The following PTBP3 variants were observed in gnomAD, a reference collection of about 807,000 sequenced individuals.
The protein encoded by PTBP3 is polypyrimidine tract binding protein 3.
PTBP3 carries 20 observed loss-of-function variants against 58.7 expected under a neutral mutation model. The observed-to-expected ratio is 0.34, with a 90% CI of 0.24 to 0.50. The LOEUF is 0.50. Among genes scored for constraint, PTBP3 ranks in the 20% least tolerant of loss-of-function variants. The pLI, the probability that PTBP3 is intolerant of heterozygous loss-of-function variation, is 0.98. For synonymous variants in PTBP3, 185 were observed against 219.8 expected, an observed-to-expected ratio of 0.84 and a Z score of 1.40; for missense variants, 509 against 637.2, an observed-to-expected ratio of 0.80 and a Z score of 2.17.
rs185263059 is a variant in PTBP3 at position 112,262,405 on chromosome 9, A to T, written c.516+30T>A. ...AGTTTCAGAGGCCATATTTAACTTA[A>T]CTTTCTTAAGGGTATTTATTCCTCC... is the stretch of plus-strand genomic sequence containing the variant. On this transcript the variant is annotated intron_variant, in intron 5 of 13. Coordinates refer to ENST00000374257, the MANE Select transcript of PTBP3 (RefSeq NM_001163788.4). 4.0e-6 allele frequency: 6 copies of T among 1,513,864 alleles called. No individual in the cohort carries two copies. In the East Asian group the frequency reaches 1.3e-4, roughly 32 times the overall value. 93.8% of individuals were successfully genotyped at this position (1,513,864 alleles called of 1,614,324 possible).
intron 7 of PTBP3, among the ~76,000 whole-genome samples, chr9:112,236,629 A>G (rs1177845754): frequency 1.3e-5 from 2 of 152,176 alleles, no homozygotes; most frequent in Non-Finnish European, 2.9e-5. Flanking sequence ...CCCCTTCTAT[A>G]TAACTGGCCA....
At chr9:112,379,074 A>T in the PTBP3 span, among the ~76,000 whole-genome samples, 2 of 152,216 alleles carry the variant, frequency 1.3e-5, no homozygotes, top group Non-Finnish European at 2.9e-5. Context: ...CTGTAGTCCC[A>T]GCTACTCCGG....
intron 1 of PTBP3, among the ~76,000 whole-genome samples, chr9:112,318,261 A>G (rs1564459736): frequency 6.6e-6 from 1 of 152,234 alleles, no homozygotes; most frequent in Non-Finnish European, 1.5e-5. Flanking sequence ...GATCATGTAC[A>G]TTAAAAATCC....
At chr9:112,229,556 C>T (rs1215117492) in intron 10 of PTBP3, among the ~76,000 whole-genome samples, 1 of 111,666 alleles carries the variant, frequency 9.0e-6, no homozygotes, top group African/African-American at 3.9e-5. Flanking sequence ...CAGAATAAGA[C>T]CCTGTCTCAA....
At chr9:112,306,055 G>T (rs1829188081) in intron 1 of PTBP3, among the ~76,000 whole-genome samples, 1 of 152,198 alleles carries the variant, frequency 6.6e-6, no homozygotes, top group African/African-American at 2.4e-5. Flanking sequence ...CTTGCAATTG[G>T]TGTCAGATGT....
Position 112,277,703 on chromosome 9 carries a change from C to A in PTBP3, c.35-1690G>T, listed in dbSNP as rs575159732. Among the ~76,000 whole-genome samples, 630 of 151,710 alleles carry A rather than the reference C, an allele frequency of 4.2e-3. 4 individuals carry two copies. Among genetic ancestry groups the A allele is most frequent in the African/African-American group, 0.014 (569 of 41,356 alleles). ...AAAACCCCATCTCTACCAAAAAAAA[C>A]CAAACAAACAAACAAACAAAAAAAT... On this transcript the variant is annotated intron_variant, in intron 2 of 13. Transcript: ENST00000374257.
chr9:112,256,294 C>CATATATATATATAT (rs370450580), intron 5 of PTBP3, among the ~76,000 whole-genome samples: 1 of 59,018 alleles, frequency 1.7e-5, no homozygotes, highest in Non-Finnish European at 2.9e-5. Context: ...TATATATATA[C>CATATATATATATAT]ATATATATAT....
At chr9:112,343,219 T>TG in the PTBP3 span, among the ~76,000 whole-genome samples, 1 of 151,112 alleles carries the variant, frequency 6.6e-6, no homozygotes, top group African/African-American at 2.4e-5. Context: ...ACAATTTTTT[T>TG]TTTTTTGAGA....
At chr9:112,377,076 CCCTGG>C in the PTBP3 span, among the ~76,000 whole-genome samples, 1 of 152,216 alleles carries the variant, frequency 6.6e-6, no homozygotes, top group African/African-American at 2.4e-5. Context: ...CCACTTGTGT[CCCTGG>C]CCATGGCCAA....
intron 2 of PTBP3, among the ~76,000 whole-genome samples, chr9:112,288,908 G>A (rs759094119): frequency 1.3e-5 from 2 of 152,142 alleles, no homozygotes; most frequent in Non-Finnish European, 2.9e-5. Context: ...AGCCAAGTAC[G>A]CAAATTAACT....
intron 1 of PTBP3, among the ~76,000 whole-genome samples, chr9:112,322,864 T>A (rs990996982): frequency 5.9e-5 from 9 of 152,206 alleles, no homozygotes; most frequent in Admixed American, 1.3e-4. Context: ...AGGTGGTAGG[T>A]CACATAACAC....
chr9:112,227,272 G>A, intron 12 of PTBP3, 139 bp downstream of exon 12: 1 of 802,828 alleles, frequency 1.2e-6, no homozygotes, highest in Non-Finnish European at 2.0e-6. Context: ...AGGCATGATG[G>A]CAAATAAATT....
intron 7 of PTBP3, among the ~76,000 whole-genome samples, chr9:112,237,699 C>A (rs1835488009): frequency 6.6e-6 from 1 of 152,102 alleles, no homozygotes. Flanking sequence ...GGGTAGCAGG[C>A]CAGAAGCAAA....
intron 10 of PTBP3, among the ~76,000 whole-genome samples, chr9:112,230,933 G>A (rs1224872177): frequency 6.6e-6 from 1 of 152,160 alleles, no homozygotes; most frequent in African/African-American, 2.4e-5. Context: ...CCTTAACAAA[G>A]CTTTTAACAG....
intron 1 of PTBP3, among the ~76,000 whole-genome samples, chr9:112,328,209 T>G (rs1830232482): frequency 6.6e-6 from 1 of 152,226 alleles, no homozygotes; most frequent in African/African-American, 2.4e-5. Flanking sequence ...GGAAATTAAG[T>G]AACTGCTAGA....
At chr9:112,322,134 C>CAAA (rs149553072) in intron 1 of PTBP3, among the ~76,000 whole-genome samples, 1,749 of 67,472 alleles carry the variant, frequency 0.026, 127 homozygotes, top group African/African-American at 0.078. Flanking sequence ...GACTCCATCT[C>CAAA]AAAAAAAAAA....
chr9:112,332,211 A>C (rs1830403464), intron 1 of PTBP3, among the ~76,000 whole-genome samples: 1 of 152,220 alleles, frequency 6.6e-6, no homozygotes, highest in Non-Finnish European at 1.5e-5. Context: ...GCTTCAATCA[A>C]ATAAAAATAA....
intron 6 of PTBP3, 32 bp downstream of exon 6, chr9:112,252,646 C>T (rs1317615817): frequency 2.0e-6 from 3 of 1,479,824 alleles, no homozygotes; most frequent in East Asian, 4.5e-5. Flanking sequence ...GAGTGATTAA[C>T]AATTGAAAAA....
At chr9:112,217,958 A>G (rs1232551290), downstream of PTBP3, 3 of 152,344 alleles carry the variant, frequency 2.0e-5, no homozygotes, top group South Asian at 2.1e-4. Context: ...TATCTGTGCT[A>G]CCTTTTTAAA....
Sources: allele counts gnomAD v4.1 joint callset (sites outside exome capture counted in the v4.1 genomes callset), GRCh38; gene constraint gnomAD v4.1.1; transcripts MANE v1.5; gene names NCBI Gene and HGNC (gene_info 2026-07-23, HGNC 2026-07-21).